ZNF516: variants seen among roughly 807,000 people sequenced by gnomAD.
ZNF516 encodes zinc finger protein 516.
Under a neutral mutation model 79.7 loss-of-function variants are expected in ZNF516, and 19 were observed. The observed-to-expected ratio is 0.24, with a 90% confidence interval of 0.17 to 0.35. ZNF516 has a LOEUF of 0.35. Among genes scored for constraint, ZNF516 ranks in the 10% least tolerant of loss-of-function variants. The pLI, the probability that ZNF516 is intolerant of heterozygous loss-of-function variation, is 1.00. For missense variants in ZNF516, 1,678 were observed against 1,679.5 expected (o/e 1.00, Z 0.02); for synonymous variants, 877 against 739.5 (o/e 1.19, Z -3.02).
chr18:76,436,838 C>T (rs1030881935), intron 3 of ZNF516, among the ~76,000 whole-genome samples: 3 of 151,952 alleles, frequency 2.0e-5, no homozygotes, highest in Admixed American at 1.3e-4. Context: ...GAGGCTGAGG[C>T]GGGTGGATTG....
chr18:76,483,187 C>T (rs1452210899), intron 1 of ZNF516, among the ~76,000 whole-genome samples: 1 of 152,088 alleles, frequency 6.6e-6, no homozygotes, highest in Non-Finnish European at 1.5e-5. Context: ...AGAAGGCAGG[C>T]GGGGTGGAGA....
At chr18:76,395,766 G>A (rs565062939) in intron 3 of ZNF516, among the ~76,000 whole-genome samples, 1 of 152,130 alleles carries the variant, frequency 6.6e-6, no homozygotes, top group East Asian at 1.9e-4. Flanking sequence ...AACTCCAAAT[G>A]ACGGTAAGAT....
chr18:76,446,832 C>A (rs971356163), intron 2 of ZNF516, among the ~76,000 whole-genome samples: 4 of 152,186 alleles, frequency 2.6e-5, no homozygotes, highest in African/African-American at 9.7e-5. Context: ...CCTGTGAGAA[C>A]TGCACAGGAT....
intron 4 of ZNF516, among the ~76,000 whole-genome samples, chr18:76,375,677 TG>T (rs1273595421): frequency 7.1e-6 from 1 of 140,672 alleles, no homozygotes; most frequent in Non-Finnish European, 1.5e-5. Flanking sequence ...AGAGGATGGA[TG>T]GGAAGGCCCC....
At chr18:76,476,470 CA>C (rs1275498245) in intron 1 of ZNF516, among the ~76,000 whole-genome samples, 1 of 152,120 alleles carries the variant, frequency 6.6e-6, no homozygotes, top group Non-Finnish European at 1.5e-5. Flanking sequence ...ATTCACTTCC[CA>C]GCAAAAAAAG....
intron 1 of ZNF516, among the ~76,000 whole-genome samples, chr18:76,488,854 G>A (rs1914992574): frequency 6.6e-6 from 1 of 152,150 alleles, no homozygotes; most frequent in Non-Finnish European, 1.5e-5. Flanking sequence ...TAATAGCAAT[G>A]CCTTCTTCAG....
chr18:76,421,480 G>A (rs1361984655), intron 3 of ZNF516, among the ~76,000 whole-genome samples: 1 of 152,332 alleles, frequency 6.6e-6, no homozygotes, highest in African/African-American at 2.4e-5. Flanking sequence ...GGAAAGCAGA[G>A]CCCGGGCTGA....
chr18:76,488,187 G>A, intron 1 of ZNF516: 1 of 985,334 alleles, frequency 1.0e-6, no homozygotes, highest in Non-Finnish European at 1.2e-6. Flanking sequence ...CTTGAAAAAT[G>A]CAACTCTAAA....
At chr18:76,409,146 G>A (rs1469245767) in intron 3 of ZNF516, among the ~76,000 whole-genome samples, 1 of 150,366 alleles carries the variant, frequency 6.7e-6, no homozygotes, top group African/African-American at 2.4e-5. Context: ...AAGTGGAAGA[G>A]CAGCAAGAGA....
Position 76,442,122 on chromosome 18 carries a change from C to G in ZNF516, c.933G>C (p.Glu311Asp). 1 of 1,613,996 alleles carries G rather than the reference C, an allele frequency of 6.2e-7. No homozygotes were observed. The highest frequency in any genetic ancestry group is 8.5e-7 in the Non-Finnish European group (1 of 1,179,892). ...TGTTGATGGTGGCGATGGGGTCCAG[C>G]TCACTCTTGGGCCTGTTCTTGCTGC... ...KTGSKNRPKS[E>D]LDPIATINNV... is the part of the protein sequence containing the mutation. Residue 311 changes from glutamate (E) to aspartate (D), a missense_variant, in exon 3 of 7, where the codon GAG becomes GAC. By Grantham distance (45) the Glu-to-Asp change is conservative (BLOSUM62 2). Transcript: ENST00000443185.
rs1301570636 is a variant in ZNF516, at chr18:76,467,624, C to A, written c.-271-4483G>T. 6.6e-6 allele frequency among the ~76,000 whole-genome samples: 1 copy of A among 152,150 alleles called. No homozygotes were observed. Among genetic ancestry groups the A allele is most frequent in the Non-Finnish European group, 1.5e-5 (1 of 68,036 alleles). ...AAACCAGAGGGGAGTCCCTGCTGCT[C>A]CTTCCTAACTGGGATCTTGAGAAAG... On this transcript the variant is annotated intron_variant, in intron 1 of 6. Transcript: ENST00000443185. This position sits in a 1 kb window ranked among gnomAD's most constrained non-coding sequence, Gnocchi z 4.2.
Position 76,380,017 on chromosome 18 carries a change from C to T in ZNF516, c.2097G>A (p.Ala699=), listed in dbSNP as rs749753040. The T allele has an allele frequency of 2.7e-5, 43 of 1,613,840 alleles. No homozygotes were observed. The highest frequency in any genetic ancestry group is 9.3e-5 in the African/African-American group (7 of 74,896). The change falls in exon 4 of 7, where the codon GCG becomes GCA. Residue 699 remains alanine (A), a synonymous_variant. Transcript: ENST00000443185. ...CTGCAGGGTGACCCGTCTGGCCCTC[C>T]GCTCCCGTACTGGAAGGGAACTCCA... is the stretch of plus-strand genomic sequence containing the variant. ...DGVEFPSSTG[A]EGQTGHPAEK... is the part of the protein sequence containing the mutation.
At position 76,493,639 on chromosome 18, in the gene ZNF516, T is replaced by A. The variant is rs1915359847; in HGVS notation, c.-272+1505A>T. ...CTAGCCGGGTTTCAGACCTTAAAAA[T>A]AACATCTTTTCCAAAAAGACCTGAC... is the stretch of plus-strand genomic sequence containing the variant. On this transcript the variant is annotated intron_variant, in intron 1 of 6. Coordinates refer to ENST00000443185, the MANE Select transcript of ZNF516 (RefSeq NM_014643.4). This position sits in a 1 kb window ranked among gnomAD's most constrained non-coding sequence, Gnocchi z 5.2. The A allele has an allele frequency of 6.6e-6, 1 of 152,214 alleles. No homozygotes were observed. Among genetic ancestry groups the A allele is most frequent in the Non-Finnish European group, 1.5e-5 (1 of 68,040 alleles). 9.4% of individuals were successfully genotyped at this position (152,214 alleles called of 1,614,324 possible).
At chr18:76,482,070 T>G (rs745625183) in intron 1 of ZNF516, among the ~76,000 whole-genome samples, 1 of 152,098 alleles carries the variant, frequency 6.6e-6, no homozygotes, top group Non-Finnish European at 1.5e-5. Flanking sequence ...AGTATTAAAG[T>G]CAACGTTTAG....
Position 76,371,583 on chromosome 18 carries a change from A to T in ZNF516, c.3260-12T>A. 1 of 1,605,882 alleles carries T rather than the reference A, an allele frequency of 6.2e-7. No homozygotes were observed. The highest frequency in any genetic ancestry group is 1.1e-5 in the South Asian group (1 of 90,586). On this transcript the variant is annotated splice_polypyrimidine_tract_variant and intron_variant, in intron 4 of 6. Transcript: ENST00000443185. Reference sequence around the variant, plus strand: ...CGTCCGGAGTGTCCCTGCGGTGGCGAGGTGGTGGTGGTGGCAGGGCCGTGG... The same window carrying T: ...CGTCCGGAGTGTCCCTGCGGTGGCGTGGTGGTGGTGGTGGCAGGGCCGTGG...
chr18:76,374,847 C>T (rs1450713222), intron 4 of ZNF516, among the ~76,000 whole-genome samples: 1 of 152,078 alleles, frequency 6.6e-6, no homozygotes, highest in East Asian at 1.9e-4. Flanking sequence ...CAAACACATG[C>T]GGTGAGAAGA....
intron 3 of ZNF516, among the ~76,000 whole-genome samples, chr18:76,418,019 T>C (rs1177135266): frequency 6.6e-6 from 1 of 152,218 alleles, no homozygotes. Context: ...ATATGAGGAT[T>C]CTACGTTTCT....
At position 76,472,806 on chromosome 18, in the gene ZNF516, T is replaced by C. The variant is rs138734330; in HGVS notation, c.-271-9665A>G. Among the ~76,000 whole-genome samples, 4 of 152,166 alleles carry C rather than the reference T, an allele frequency of 2.6e-5. No individual in the cohort carries two copies. The East Asian group carries it at 7.7e-4, about 29-fold the overall frequency. ...AATCCAGTAAGCAAGGAAATAAATA[T>C]AAATAGAATTACATCCAAATAACTG... On this transcript the variant is annotated intron_variant, in intron 1 of 6. Transcript: ENST00000443185.
intron 3 of ZNF516, among the ~76,000 whole-genome samples, chr18:76,418,617 A>G (rs1277487869): frequency 6.6e-6 from 1 of 152,180 alleles, no homozygotes; most frequent in African/African-American, 2.4e-5. Context: ...GGCTTAAAAT[A>G]TGAAAAAAAA....
Sources: allele counts gnomAD v4.1 joint callset (sites outside exome capture counted in the v4.1 genomes callset), GRCh38; gene constraint gnomAD v4.1.1; non-coding constraint Gnocchi (gnomAD v3.1); transcripts MANE v1.5; gene names NCBI Gene and HGNC (gene_info 2026-07-23, HGNC 2026-07-21).